CTDP1: variants seen among roughly 807,000 people sequenced by gnomAD.
CTDP1 encodes the protein CTD phosphatase 1.
CTDP1 carries 47 observed loss-of-function variants against 91.8 expected under a neutral mutation model. The ratio of observed to expected loss-of-function variants is 0.51; its 90% CI spans 0.41 to 0.65. The LOEUF (loss-of-function observed/expected upper bound fraction) is 0.65, where lower values mean the gene tolerates loss of function less well. CTDP1 is among the 30% of genes least tolerant of loss of function. CTDP1 has a pLI of 0.00. For missense variants in CTDP1, 1,272 were observed against 1,373.7 expected (o/e 0.93, Z 1.17); for synonymous variants, 656 against 598.5 (o/e 1.10, Z -1.40).
At chr18:79,741,564 G>A (rs1384199627) in intron 12 of CTDP1, among the ~76,000 whole-genome samples, 11 of 152,248 alleles carry the variant, frequency 7.2e-5, no homozygotes, top group South Asian at 2.1e-4. Context: ...TGGTGCCCCC[G>A]TTTCCTGTCC....
Position 79,680,228 on chromosome 18 carries a change from T to C in CTDP1, c.281T>C (p.Leu94Pro), listed in dbSNP as rs1269516685. Residue 94 changes from leucine to proline, a missense_variant, in exon 1 of 13, where the codon CTG becomes CCG. Physicochemically the swap from Leu to Pro is moderately conservative, Grantham distance 98. Around this residue, in one of 3 missense-constraint regions of CTDP1, gnomAD observed 214 missense variants for 179.1 expected, o/e 1.19. Coordinates refer to ENST00000613122, the MANE Select transcript of CTDP1 (RefSeq NM_004715.5). ...GAGCGCGCGGGCGTGGTGCGGGAGC[T>C]GTGCGCGCAGCCGGGCCAGGTGGTC... ...RSERAGVVRE[L>P]CAQPGQVVAP... 1.5e-6 allele frequency: 2 copies of C among 1,350,754 alleles called. No individual in the cohort carries two copies. Among genetic ancestry groups the C allele is most frequent in the Non-Finnish European group, 1.9e-6 (2 of 1,058,714 alleles). The allele number at this position is 1,350,754 out of a possible 1,614,324, so 83.7% of individuals were successfully genotyped here.
intron 6 of CTDP1, among the ~76,000 whole-genome samples, chr18:79,711,941 A>C (rs922695465): frequency 5.0e-4 from 12 of 23,870 alleles, no homozygotes; most frequent in Non-Finnish European, 1.2e-3. Flanking sequence ...TTTCCCGAGG[A>C]GCCTGGTGGC....
At position 79,732,935 on chromosome 18, in the gene CTDP1, A is replaced by G. The variant is rs143705968; in HGVS notation, c.2581-3420A>G. On this transcript the variant is annotated intron_variant, in intron 11 of 12. Coordinates refer to ENST00000613122, the MANE Select transcript of CTDP1 (RefSeq NM_004715.5). ...ACCTGAGACATGAAAACTCGCTCTCACCATGAGTGCTCCCAAAATCACAGG... is the reference window on the plus strand; with the variant it reads ...ACCTGAGACATGAAAACTCGCTCTCGCCATGAGTGCTCCCAAAATCACAGG... 4.1e-3 allele frequency among the ~76,000 whole-genome samples: 617 copies of G among 152,316 alleles called. 8 individuals carry two copies. The highest frequency in any genetic ancestry group is 0.014 in the African/African-American group (564 of 41,580).
chr18:79,735,194 T>C (rs1226855373), intron 11 of CTDP1, among the ~76,000 whole-genome samples: 1 of 152,098 alleles, frequency 6.6e-6, no homozygotes, highest in Non-Finnish European at 1.5e-5. Context: ...TTGTGCTCCG[T>C]CCTCTGTGGC....
At chr18:79,690,927 G>A (rs553817223) in intron 1 of CTDP1, among the ~76,000 whole-genome samples, 1 of 152,358 alleles carries the variant, frequency 6.6e-6, no homozygotes, top group East Asian at 1.9e-4. Context: ...GAAGGCCTGT[G>A]TTTGGTCACG....
At chr18:79,724,053 G>A (rs2122704640) in intron 10 of CTDP1, among the ~76,000 whole-genome samples, 2 of 152,336 alleles carry the variant, frequency 1.3e-5, no homozygotes, top group Middle Eastern at 6.8e-3. Context: ...CACAGGTTGA[G>A]CCTCTCATCC....
At chr18:79,711,164 C>G (rs1011076244) in intron 6 of CTDP1, among the ~76,000 whole-genome samples, 1 of 151,972 alleles carries the variant, frequency 6.6e-6, no homozygotes, top group Admixed American at 6.6e-5. Context: ...ATCTGTCATC[C>G]TCTCTGCCTC....
At chr18:79,685,828 G>T (rs967819106) in intron 1 of CTDP1, among the ~76,000 whole-genome samples, 1 of 152,164 alleles carries the variant, frequency 6.6e-6, no homozygotes, top group Non-Finnish European at 1.5e-5. Flanking sequence ...CTGGTACCAA[G>T]AATCTTGATG....
rs1486378989 is a variant in CTDP1, at chr18:79,718,039, T to C, written c.2417+23T>C. The C allele has an allele frequency of 2.5e-6, 4 of 1,611,504 alleles. No individual in the cohort carries two copies. The South Asian group carries it at 4.4e-5, about 18-fold the overall frequency. ...CAGGTACGTGGCGGCCCAGCCACTG[T>C]CCCCAGCTAATGAGGGCTCTTCAAG... On this transcript the variant is annotated intron_variant, in intron 10 of 12. Coordinates refer to ENST00000613122, the MANE Select transcript of CTDP1 (RefSeq NM_004715.5).
chr18:79,738,735 A>G (rs533329732), intron 12 of CTDP1, among the ~76,000 whole-genome samples: 5 of 152,378 alleles, frequency 3.3e-5, no homozygotes, highest in African/African-American at 1.2e-4. Context: ...TGCAGGAATT[A>G]CTTACAGAAA....
At chr18:79,694,023 G>A (rs1043445805) in intron 1 of CTDP1, among the ~76,000 whole-genome samples, 16 of 152,326 alleles carry the variant, frequency 1.1e-4, no homozygotes, top group Admixed American at 9.8e-4. Context: ...GCGCCCTCTC[G>A]ATGACATGGC....
chr18:79,684,994 C>T (rs2085458946), intron 1 of CTDP1, among the ~76,000 whole-genome samples: 4 of 151,608 alleles, frequency 2.6e-5, no homozygotes, highest in Admixed American at 6.6e-5. Flanking sequence ...GGTGTGAGGT[C>T]CTGGTGAGGA....
In CTDP1 at chr18:79,736,344, CTGTT is replaced by C; in HGVS notation, c.2581-7_2581-4del. The C allele has an allele frequency of 6.5e-7, 1 of 1,549,066 alleles. No homozygotes were observed. The highest frequency in any genetic ancestry group is 8.7e-7 in the Non-Finnish European group (1 of 1,146,972). ...AAGGAGGTCTGTCGCTGACTCTTGG[CTGTT>C]TGTCAGGTGGACGACATCCTTGGAG... On this transcript the variant is annotated splice_region_variant and splice_polypyrimidine_tract_variant and intron_variant, in intron 11 of 12. Coordinates refer to ENST00000613122, the MANE Select transcript of CTDP1 (RefSeq NM_004715.5).
chr18:79,715,723 C>G (rs1427415788), intron 8 of CTDP1, among the ~76,000 whole-genome samples, 195 bp downstream of exon 8: 2 of 152,244 alleles, frequency 1.3e-5, no homozygotes, highest in Non-Finnish European at 2.9e-5. Flanking sequence ...AGACCGCAGT[C>G]ATCGCACACA....
At chr18:79,677,928 A>C (rs2085273375), upstream of CTDP1, 1 of 152,226 alleles carries the variant, frequency 6.6e-6, no homozygotes, top group African/African-American at 2.4e-5. Flanking sequence ...AAAAACTGTG[A>C]CTGCTGGAGC....
At chr18:79,709,127 C>A (rs1353042140) in intron 5 of CTDP1, among the ~76,000 whole-genome samples, 1 of 152,196 alleles carries the variant, frequency 6.6e-6, no homozygotes, top group African/African-American at 2.4e-5. Context: ...ATTAAATTGA[C>A]ATTGAACTTG....
chr18:79,707,409 C>T (rs1458196306), intron 5 of CTDP1, among the ~76,000 whole-genome samples: 1 of 152,244 alleles, frequency 6.6e-6, no homozygotes, highest in Non-Finnish European at 1.5e-5. Flanking sequence ...GCTTAGACAG[C>T]AGAGCAGGGA....
intron 10 of CTDP1, among the ~76,000 whole-genome samples, chr18:79,723,161 G>C (rs2086379835): frequency 6.6e-6 from 1 of 152,166 alleles, no homozygotes; most frequent in African/African-American, 2.4e-5. Context: ...CTGCAGCCCA[G>C]TTCCCCCATG....
At chr18:79,751,838 A>G (rs974548974) in intron 12 of CTDP1, among the ~76,000 whole-genome samples, 2 of 152,182 alleles carry the variant, frequency 1.3e-5, no homozygotes, top group Admixed American at 6.5e-5. Flanking sequence ...GCTACATTGT[A>G]TCTACGTTAG....
Sources: gnomAD v4.1 joint callset for allele counts (sites outside exome capture counted in the v4.1 genomes callset) on GRCh38, gnomAD v4.1.1 for gene constraint, gnomAD v4.1.1 regional missense constraint, MANE v1.5 for transcripts, NCBI Gene and HGNC (gene_info 2026-07-23, HGNC 2026-07-21) for gene names.